WDR41: variants seen among roughly 807,000 people sequenced by gnomAD.
WDR41 encodes the protein WD repeat domain 41, also known as WD repeat-containing protein 41.
Under a neutral mutation model 69.3 loss-of-function variants are expected in WDR41, and 63 were observed. That is an observed-to-expected ratio of 0.91 (90% CI 0.74 to 1.12). The LOEUF (loss-of-function observed/expected upper bound fraction) is 1.12, where lower values mean the gene tolerates loss of function less well. Among genes scored for constraint, WDR41 ranks in the 50% most tolerant of loss-of-function variants. The pLI is 0.00. For missense variants in WDR41, 543 were observed against 534.5 expected (o/e 1.02, Z -0.16); for synonymous variants, 185 against 192.1 (o/e 0.96, Z 0.31).
intron 8 of WDR41, among the ~76,000 whole-genome samples, chr5:77,442,699 T>C (rs1039372665): frequency 6.6e-6 from 1 of 151,830 alleles, no homozygotes; most frequent in African/African-American, 2.4e-5. Context: ...GAGACCATCC[T>C]GGCTAAAACG....
intron 1 of WDR41, among the ~76,000 whole-genome samples, chr5:77,523,658 C>T (rs1802405571): frequency 6.6e-6 from 1 of 152,154 alleles, no homozygotes; most frequent in East Asian, 1.9e-4. Flanking sequence ...ACACAGATAC[C>T]TGGAATACCA....
At chr5:77,604,618 C>A (rs535873695) in intron 1 of WDR41, among the ~76,000 whole-genome samples, 20 of 152,240 alleles carry the variant, frequency 1.3e-4, no homozygotes, top group African/African-American at 4.3e-4. Flanking sequence ...ATGGAAAAGT[C>A]TTTGATCTAG....
intron 1 of WDR41, among the ~76,000 whole-genome samples, chr5:77,513,344 C>T (rs1355939759): frequency 6.6e-6 from 1 of 152,126 alleles, no homozygotes; most frequent in Non-Finnish European, 1.5e-5. Context: ...TGCTAGTGGT[C>T]AGCATTCACT....
chr5:77,607,502 T>A (rs1010561385), intron 1 of WDR41, among the ~76,000 whole-genome samples: 4 of 152,178 alleles, frequency 2.6e-5, no homozygotes, highest in Non-Finnish European at 2.9e-5. Flanking sequence ...AACATCAAAT[T>A]GGATAGGCAT....
chr5:77,597,612 G>A (rs1042831741), intron 1 of WDR41, among the ~76,000 whole-genome samples: 1 of 152,042 alleles, frequency 6.6e-6, no homozygotes, highest in African/African-American at 2.4e-5. Context: ...ACCTCTTTAC[G>A]TATTTTGTCT....
At chr5:77,473,289 T>C (rs1239298148) in intron 2 of WDR41, among the ~76,000 whole-genome samples, 2 of 152,140 alleles carry the variant, frequency 1.3e-5, no homozygotes, top group Admixed American at 6.5e-5. Flanking sequence ...CTACAAAAAT[T>C]AATTCAAGAT....
chr5:77,564,309 T>C (rs1304787745), intron 1 of WDR41, among the ~76,000 whole-genome samples: 2 of 152,128 alleles, frequency 1.3e-5, no homozygotes, highest in Non-Finnish European at 2.9e-5. Flanking sequence ...ATCTCAACAC[T>C]TTGAGTGGTG....
Position 77,444,963 on chromosome 5 carries a change from C to CA in WDR41, c.698-3967dup, listed in dbSNP as rs1415163755. On this transcript the variant is annotated intron_variant, in intron 8 of 12. Transcript: ENST00000296679. The stretch of plus-strand genomic sequence containing the variant: ...AGAGAAGAATTGAAGGAGACAGAGA[C>CA]AAGAAAAACTCTCCAAAAAAATCAA... Among the ~76,000 whole-genome samples, 3 of 151,878 alleles carry CA rather than the reference C, an allele frequency of 2.0e-5. No individual in the cohort carries two copies. In the East Asian group the frequency reaches 5.8e-4, roughly 29 times the overall value.
chr5:77,601,595 G>A (rs969027236), intron 1 of WDR41, among the ~76,000 whole-genome samples: 1 of 152,166 alleles, frequency 6.6e-6, no homozygotes, highest in African/African-American at 2.4e-5. Flanking sequence ...TTGACTAAGG[G>A]TTTGGCACTT....
chr5:77,517,260 G>A (rs1011508671), intron 1 of WDR41, among the ~76,000 whole-genome samples: 2 of 151,994 alleles, frequency 1.3e-5, no homozygotes, highest in East Asian at 3.9e-4. Context: ...CCATAGTAAT[G>A]TAATACAGTT....
rs1399994826 is a variant in WDR41, at chr5:77,431,846, C to G, written c.*1289G>C. Reference sequence around the variant, plus strand: ...TATTTCTCCATAGAACTTTTCATGACTCAATGTTGTTTGGATTTAAAGTAG... The same window carrying G: ...TATTTCTCCATAGAACTTTTCATGAGTCAATGTTGTTTGGATTTAAAGTAG... On this transcript the variant is annotated 3_prime_UTR_variant, in exon 13 of 13. Transcript: ENST00000296679. 6.6e-6 allele frequency: 1 copy of G among 150,742 alleles called. No homozygotes were observed. Among genetic ancestry groups the G allele is most frequent in the African/African-American group, 2.4e-5 (1 of 40,912 alleles). The allele number at this position is 150,742 out of a possible 1,614,324, so 9.3% of individuals were successfully genotyped here.
chr5:77,521,173 G>GTGGGGGATATTT (rs1802365080), intron 1 of WDR41, among the ~76,000 whole-genome samples: 1 of 152,104 alleles, frequency 6.6e-6, no homozygotes, highest in Non-Finnish European at 1.5e-5. Context: ...CTGGGGGTGG[G>GTGGGGGATATTT]TGGGGGATGA....
intron 1 of WDR41, among the ~76,000 whole-genome samples, chr5:77,562,218 A>G (rs1743540620): frequency 6.6e-6 from 1 of 152,210 alleles, no homozygotes; most frequent in African/African-American, 2.4e-5. Flanking sequence ...CACTAATGGA[A>G]CAGCTCAAGG....
intron 1 of WDR41, among the ~76,000 whole-genome samples, chr5:77,551,651 C>T (rs1561222258): frequency 1.3e-5 from 2 of 151,818 alleles, no homozygotes; most frequent in Non-Finnish European, 2.9e-5. Context: ...GCACTCCAGC[C>T]TGGGTGACAG....
intron 1 of WDR41, among the ~76,000 whole-genome samples, chr5:77,504,054 C>T (rs1237286873): frequency 1.4e-5 from 2 of 145,850 alleles, no homozygotes; most frequent in East Asian, 2.0e-4. Context: ...GATAGAGACA[C>T]GAAAAACCCT....
chr5:77,529,439 C>T (rs1802492846), intron 1 of WDR41, among the ~76,000 whole-genome samples: 1 of 151,452 alleles, frequency 6.6e-6, no homozygotes, highest in Non-Finnish European at 1.5e-5. Flanking sequence ...ATAAAGATGT[C>T]AATTCTCCCC....
chr5:77,596,189 C>T (rs951790846), intron 1 of WDR41, among the ~76,000 whole-genome samples: 20 of 152,162 alleles, frequency 1.3e-4, no homozygotes, highest in Non-Finnish European at 2.2e-4. Context: ...CACTCTGTTG[C>T]CAAGCTAGAG....
Position 77,474,273 on chromosome 5 carries a change from C to T in WDR41, c.168-9464G>A, listed in dbSNP as rs1461006746. On this transcript the variant is annotated intron_variant, in intron 2 of 12. Coordinates refer to ENST00000296679, the MANE Select transcript of WDR41 (RefSeq NM_018268.4). ...ACCCAGGAAGGAGAACATCACACAC[C>T]AGGGCCTGTTGTGGGGTGGGGGGAG... Among the ~76,000 whole-genome samples, 844 of 151,524 alleles carry T rather than the reference C, an allele frequency of 5.6e-3. 3 individuals are homozygous for T. The highest frequency in any genetic ancestry group is 9.8e-3 in the Non-Finnish European group (664 of 67,758).
intron 4 of WDR41, among the ~76,000 whole-genome samples, chr5:77,461,280 CACAA>C (rs1327932849): frequency 1.3e-5 from 2 of 152,192 alleles, no homozygotes; most frequent in African/African-American, 2.4e-5. Context: ...CATAATCACA[CACAA>C]ACATACATAT....
Sources: gnomAD v4.1 joint callset for allele counts (sites outside exome capture counted in the v4.1 genomes callset) on GRCh38, gnomAD v4.1.1 for gene constraint, MANE v1.5 for transcripts, NCBI Gene and HGNC (gene_info 2026-07-23, HGNC 2026-07-21) for gene names.